Variants in SUGCT observed in about 807,000 individuals in gnomAD.
SUGCT encodes the protein succinyl-CoA:glutarate CoA-transferase.
In SUGCT, 41 loss-of-function variants were observed where a neutral mutation model predicts 55.0. The ratio of observed to expected loss-of-function variants is 0.74; its 90% CI spans 0.58 to 0.97. SUGCT has a LOEUF of 0.97. SUGCT is among the 50% of genes least tolerant of loss of function. The pLI is 0.00. For synonymous variants in SUGCT, 187 were observed against 200.4 expected (o/e 0.93, Z 0.56); for missense variants, 568 against 547.8 (o/e 1.04, Z -0.37).
chr7:40,218,794 A>G (rs540204639), intron 6 of SUGCT, among the ~76,000 whole-genome samples: 11 of 152,326 alleles, frequency 7.2e-5, no homozygotes, highest in Admixed American at 6.5e-4. Context: ...AAACGCACCA[A>G]TCAGCACTCT....
chr7:41,010,740 T>C, the SUGCT span, among the ~76,000 whole-genome samples: 3,548 of 152,300 alleles, frequency 0.023, 154 homozygotes, highest in African/African-American at 0.082. Flanking sequence ...CACATGTTTT[T>C]GTGCTGTAAT....
intron 1 of SUGCT, among the ~76,000 whole-genome samples, chr7:40,177,075 G>A (rs1297516496): frequency 2.0e-5 from 3 of 151,760 alleles, no homozygotes; most frequent in Non-Finnish European, 4.4e-5. Flanking sequence ...CAGTATTTAG[G>A]TTGTTATTAT....
chr7:40,193,968 T>G (rs184177793), intron 5 of SUGCT, among the ~76,000 whole-genome samples: 11 of 150,602 alleles, frequency 7.3e-5, no homozygotes, highest in Admixed American at 7.2e-4. Flanking sequence ...CCCAATTTTT[T>G]GTAAAATTTC....
At chr7:40,640,918 A>G (rs1227643050) in intron 12 of SUGCT, among the ~76,000 whole-genome samples, 1 of 152,264 alleles carries the variant, frequency 6.6e-6, no homozygotes, top group Non-Finnish European at 1.5e-5. Context: ...AAGCCAAGGA[A>G]GGACCTGGGG....
intron 12 of SUGCT, among the ~76,000 whole-genome samples, chr7:40,634,687 A>G (rs145869467): frequency 1.2e-3 from 186 of 152,370 alleles, no homozygotes; most frequent in Non-Finnish European, 2.0e-3. Context: ...GCAGATAGCC[A>G]GTGCACCCAA....
chr7:40,832,883 C>A (rs1478069742), intron 13 of SUGCT, among the ~76,000 whole-genome samples: 2 of 152,012 alleles, frequency 1.3e-5, no homozygotes, highest in Non-Finnish European at 2.9e-5. Context: ...ACCATGTTAA[C>A]CAGGATGGTC....
At chr7:40,848,538 A>T (rs1485483754) in intron 13 of SUGCT, among the ~76,000 whole-genome samples, 1 of 151,850 alleles carries the variant, frequency 6.6e-6, no homozygotes, top group African/African-American at 2.4e-5. Flanking sequence ...GATAACACTG[A>T]TGACTATCAA....
chr7:40,912,946 C>T, the SUGCT span, among the ~76,000 whole-genome samples: 1 of 151,892 alleles, frequency 6.6e-6, no homozygotes, highest in Non-Finnish European at 1.5e-5. Context: ...TCTGACTGCT[C>T]CAGTCCTGCC....
intron 13 of SUGCT, among the ~76,000 whole-genome samples, chr7:40,801,688 G>T (rs1168990305): frequency 6.6e-6 from 1 of 152,074 alleles, no homozygotes; most frequent in Non-Finnish European, 1.5e-5. Context: ...AATAAGTTCA[G>T]AATTGAAATC....
intron 12 of SUGCT, among the ~76,000 whole-genome samples, chr7:40,643,684 G>A (rs936495717): frequency 4.6e-5 from 7 of 152,118 alleles, no homozygotes; most frequent in Non-Finnish European, 7.4e-5. Context: ...ACAATCTGAC[G>A]ATATATGCCA....
At chr7:40,999,078 T>C in the SUGCT span, among the ~76,000 whole-genome samples, 1 of 152,230 alleles carries the variant, frequency 6.6e-6, no homozygotes, top group Non-Finnish European at 1.5e-5. Flanking sequence ...ACTGCTGTAC[T>C]GTGAGCTGCC....
At chr7:40,375,738 G>A (rs1784511421) in intron 9 of SUGCT, among the ~76,000 whole-genome samples, 2 of 151,944 alleles carry the variant, frequency 1.3e-5, no homozygotes, top group African/African-American at 4.8e-5. Context: ...ATAAATTATA[G>A]ACATATAAAT....
At chr7:40,810,345 T>A (rs1346338129) in intron 13 of SUGCT, among the ~76,000 whole-genome samples, 1 of 152,180 alleles carries the variant, frequency 6.6e-6, no homozygotes, top group East Asian at 1.9e-4. Context: ...ATCTCCAAAC[T>A]GCTTTCCACA....
chr7:40,451,842 T>C (rs1053673614), intron 10 of SUGCT, among the ~76,000 whole-genome samples: 7 of 151,580 alleles, frequency 4.6e-5, no homozygotes, highest in African/African-American at 1.7e-4. Flanking sequence ...CTTCTAAGCA[T>C]TTTTTTTTAC....
chr7:40,183,530 T>C (rs772381074), intron 3 of SUGCT, among the ~76,000 whole-genome samples: 1 of 152,092 alleles, frequency 6.6e-6, no homozygotes, highest in Non-Finnish European at 1.5e-5. Context: ...TTTTTGTGTG[T>C]GTAGAGACAG....
intron 13 of SUGCT, among the ~76,000 whole-genome samples, chr7:40,853,125 G>T (rs945854612): frequency 1.3e-5 from 2 of 151,536 alleles, no homozygotes; most frequent in Non-Finnish European, 2.9e-5. Context: ...TAGGGTCCAG[G>T]TCTATGTTTT....
At chr7:40,258,979 C>T in intron 7 of SUGCT, among the ~76,000 whole-genome samples, 1 of 152,096 alleles carries the variant, frequency 6.6e-6, no homozygotes, top group East Asian at 1.9e-4. Context: ...ACTATTCAGC[C>T]TTAGAAAAAA....
chr7:40,607,318 G>T (rs1798577465), intron 12 of SUGCT, among the ~76,000 whole-genome samples: 1 of 152,020 alleles, frequency 6.6e-6, no homozygotes, highest in Non-Finnish European at 1.5e-5. Flanking sequence ...TGCCCAGGCT[G>T]GTCTCAAACT....
intron 9 of SUGCT, among the ~76,000 whole-genome samples, chr7:40,386,431 A>G (rs1428143873): frequency 6.6e-6 from 1 of 152,160 alleles, no homozygotes; most frequent in Non-Finnish European, 1.5e-5. Flanking sequence ...TGCATAGAAC[A>G]AAGTATTCAG....
Sources: gnomAD v4.1 joint callset for allele counts (sites outside exome capture counted in the v4.1 genomes callset) on GRCh38, gnomAD v4.1.1 for gene constraint, MANE v1.5 for transcripts, NCBI Gene and HGNC (gene_info 2026-07-23, HGNC 2026-07-21) for gene names.